The following STK32C variants were observed in gnomAD, a reference collection of about 807,000 sequenced individuals.
The protein encoded by STK32C is serine/threonine-protein kinase 32C.
STK32C carries 31 observed loss-of-function variants against 56.5 expected under a neutral mutation model. The observed-to-expected ratio is 0.55, with a 90% CI of 0.41 to 0.74. The LOEUF is 0.74. Among genes scored for constraint, STK32C ranks in the 30% least tolerant of loss-of-function variants. The pLI is 0.00. For synonymous variants in STK32C, 309 were observed against 289.4 expected (o/e 1.07, Z -0.69); for missense variants, 544 against 676.9 (o/e 0.80, Z 2.18).
chr10:132,294,878 G>GT (rs1441933976), intron 1 of STK32C, among the ~76,000 whole-genome samples: 1 of 152,210 alleles, frequency 6.6e-6, no homozygotes, highest in African/African-American at 2.4e-5. Flanking sequence ...GCTGCCACGT[G>GT]TGGTGGCTTT....
At chr10:132,226,704 G>T in intron 4 of STK32C, 91 bp downstream of exon 4, 3 of 1,481,460 alleles carry the variant, frequency 2.0e-6, no homozygotes, top group South Asian at 1.2e-5. Context: ...CCGCTCTGAG[G>T]GAGTACGGCC....
intron 1 of STK32C, among the ~76,000 whole-genome samples, chr10:132,266,684 G>T (rs1165895588): frequency 6.6e-6 from 1 of 152,030 alleles, no homozygotes; most frequent in East Asian, 1.9e-4. Flanking sequence ...AGGGCTGGAG[G>T]GGAGGAAGGA....
chr10:132,225,135 G>T (rs371576705), intron 7 of STK32C, 98 bp downstream of exon 7: 1 of 892,620 alleles, frequency 1.1e-6, no homozygotes, highest in Non-Finnish European at 1.7e-6. Flanking sequence ...ACATCCCTGC[G>T]CACCTGGACA....
chr10:132,318,633 GGAAAA>G (rs1027337071), intron 1 of STK32C, among the ~76,000 whole-genome samples: 15 of 150,708 alleles, frequency 1.0e-4, no homozygotes, highest in East Asian at 1.9e-4. Flanking sequence ...AAAAAAAAAA[GGAAAA>G]GAAAAGAAAA....
intron 1 of STK32C, among the ~76,000 whole-genome samples, chr10:132,253,347 G>C (rs1039729871): frequency 6.6e-6 from 1 of 151,900 alleles, no homozygotes; most frequent in Non-Finnish European, 1.5e-5. Flanking sequence ...GGAGGGAGCC[G>C]AGGGAGCTGG....
At chr10:132,230,684 G>GC (rs1554977831) in intron 2 of STK32C, among the ~76,000 whole-genome samples, 1 of 145,162 alleles carries the variant, frequency 6.9e-6, no homozygotes, top group Non-Finnish European at 1.5e-5. Flanking sequence ...GCTGGCGGGG[G>GC]GGGGGGGGCT....
intron 2 of STK32C, among the ~76,000 whole-genome samples, chr10:132,237,146 C>T (rs1190627100): frequency 6.6e-6 from 1 of 152,174 alleles, no homozygotes; most frequent in African/African-American, 2.4e-5. Flanking sequence ...ATTTTAAATG[C>T]CCACTCCTGC....
chr10:132,323,058 G>A (rs988886179), downstream of STK32C, among the ~76,000 whole-genome samples: 4 of 152,120 alleles, frequency 2.6e-5, no homozygotes, highest in Admixed American at 6.5e-5. This position sits in a 1 kb window ranked among gnomAD's most constrained non-coding sequence, Gnocchi z 4.8. Flanking sequence ...GCTGCCCTGC[G>A]TCGGACTCAC....
intron 1 of STK32C, among the ~76,000 whole-genome samples, chr10:132,331,128 G>A (rs2066697124): frequency 6.7e-6 from 1 of 150,250 alleles, no homozygotes; most frequent in Admixed American, 6.6e-5. Flanking sequence ...TTGAACCTGG[G>A]AGGCGGAGGT....
chr10:132,282,971 C>A (rs966173369), intron 1 of STK32C, among the ~76,000 whole-genome samples: 1 of 152,228 alleles, frequency 6.6e-6, no homozygotes, highest in African/African-American at 2.4e-5. Context: ...GGCCCTGCTG[C>A]GTTCTCAGGC....
intron 1 of STK32C, among the ~76,000 whole-genome samples, chr10:132,267,072 G>A (rs955052979): frequency 9.9e-5 from 15 of 152,194 alleles, no homozygotes; most frequent in Non-Finnish European, 1.6e-4. Context: ...GTCAGAAGCC[G>A]GAGCAGCCCC....
At position 132,304,060 on chromosome 10, in the gene STK32C, C is replaced by T. The variant is rs973595261; in HGVS notation, c.262+3512G>A. 2.6e-5 allele frequency among the ~76,000 whole-genome samples: 4 copies of T among 152,366 alleles called. No individual in the cohort carries two copies. In the South Asian group the frequency reaches 8.3e-4, roughly 32 times the overall value. On this transcript the variant is annotated intron_variant, in intron 1 of 11. Transcript: ENST00000298630. The stretch of plus-strand genomic sequence containing the variant: ...GTGTTAAGGTATTTCACACGGACCC[C>T]TTTGCCTGAGCAATGTCGTTCCTAA...
chr10:132,314,825 T>C (rs1350140193), intron 1 of STK32C, among the ~76,000 whole-genome samples: 1 of 152,168 alleles, frequency 6.6e-6, no homozygotes, highest in East Asian at 1.9e-4. Context: ...TAAGAATACC[T>C]AACATGCAGC....
intron 2 of STK32C, among the ~76,000 whole-genome samples, chr10:132,239,649 C>T (rs114653547): frequency 0.016 from 2,430 of 152,340 alleles, 66 homozygotes; most frequent in African/African-American, 0.048. Flanking sequence ...CAGGCCCAGC[C>T]GCCCGCAGTG....
chr10:132,240,034 G>A (rs147854943), intron 2 of STK32C, among the ~76,000 whole-genome samples: 16 of 152,334 alleles, frequency 1.1e-4, no homozygotes, highest in African/African-American at 3.1e-4. Flanking sequence ...GCTGCCTTCC[G>A]GTGGAGCTGC....
chr10:132,320,056 T>C (rs535974678), downstream of STK32C, among the ~76,000 whole-genome samples: 1 of 150,674 alleles, frequency 6.6e-6, no homozygotes, highest in South Asian at 2.1e-4. Flanking sequence ...GGAGACCTCA[T>C]ACAGTATGGC....
At chr10:132,231,212 A>G (rs2137769341) in intron 2 of STK32C, among the ~76,000 whole-genome samples, 1 of 152,308 alleles carries the variant, frequency 6.6e-6, no homozygotes, top group East Asian at 1.9e-4. Flanking sequence ...CTGGCCTCGC[A>G]CACCCACGGC....
chr10:132,217,918 A>G (rs932505526), intron 10 of STK32C, among the ~76,000 whole-genome samples: 3 of 152,106 alleles, frequency 2.0e-5, no homozygotes, highest in African/African-American at 4.8e-5. Flanking sequence ...GTGAAAATAG[A>G]CTAATACAGA....
intron 7 of STK32C, among the ~76,000 whole-genome samples, chr10:132,224,934 T>C (rs540438962): frequency 2.0e-5 from 3 of 152,306 alleles, no homozygotes; most frequent in Non-Finnish European, 4.4e-5. Context: ...AAGAAACTTT[T>C]TGTGGAAAGT....
Sources: gnomAD v4.1 joint callset for allele counts (sites outside exome capture counted in the v4.1 genomes callset) on GRCh38, gnomAD v4.1.1 for gene constraint, Gnocchi (gnomAD v3.1) non-coding constraint, MANE v1.5 for transcripts, NCBI Gene and HGNC (gene_info 2026-07-23, HGNC 2026-07-21) for gene names.